GRIA4: variants seen among roughly 807,000 people sequenced by gnomAD.
GRIA4 encodes the protein glutamate receptor 4.
In GRIA4, 34 loss-of-function variants were observed where a neutral mutation model predicts 104.0. The ratio of observed to expected loss-of-function variants is 0.33; its 90% CI spans 0.25 to 0.44. The LOEUF (loss-of-function observed/expected upper bound fraction) is 0.44. GRIA4 is among the 20% of genes least tolerant of loss of function. The pLI is 1.00. For synonymous variants in GRIA4, 386 were observed against 381.9 expected (o/e 1.01, Z -0.13); for missense variants, 750 against 1,096.5 (o/e 0.68, Z 4.46).
chr11:105,700,814 G>C (rs1164372419), intron 3 of GRIA4, among the ~76,000 whole-genome samples: 1 of 151,962 alleles, frequency 6.6e-6, no homozygotes, highest in Non-Finnish European at 1.5e-5. Context: ...TGCTTTTCCT[G>C]CCTCTGGCTT....
intron 3 of GRIA4, among the ~76,000 whole-genome samples, chr11:105,710,550 C>A (rs1467918393): frequency 6.6e-6 from 1 of 152,032 alleles, no homozygotes; most frequent in Non-Finnish European, 1.5e-5. Flanking sequence ...GTTAGGCATA[C>A]ATTTAGATAT....
chr11:105,978,839 T>C (rs1435445459), intron 16 of GRIA4, among the ~76,000 whole-genome samples: 1 of 152,226 alleles, frequency 6.6e-6, no homozygotes, highest in East Asian at 1.9e-4. Context: ...TTATCTGCTA[T>C]GTAATGTGAT....
intron 3 of GRIA4, among the ~76,000 whole-genome samples, chr11:105,630,424 C>G (rs1213531532): frequency 6.6e-6 from 1 of 151,978 alleles, no homozygotes; most frequent in Non-Finnish European, 1.5e-5. Flanking sequence ...ATTAGCCAGG[C>G]GTGGTGGCAT....
chr11:105,951,034 A>C (rs1948443439), intron 14 of GRIA4, among the ~76,000 whole-genome samples: 1 of 152,218 alleles, frequency 6.6e-6, no homozygotes, highest in African/African-American at 2.4e-5. Context: ...CCTAGGGCCT[A>C]ATAAGAAGGA....
chr11:105,656,889 A>C (rs1316164740), intron 3 of GRIA4, among the ~76,000 whole-genome samples: 1 of 152,104 alleles, frequency 6.6e-6, no homozygotes, highest in East Asian at 1.9e-4. Flanking sequence ...AAGACTGTCT[A>C]TCAGAAAATA....
intron 3 of GRIA4, among the ~76,000 whole-genome samples, chr11:105,621,781 T>C (rs919053762): frequency 1.2e-4 from 18 of 151,854 alleles, no homozygotes; most frequent in African/African-American, 3.9e-4. Flanking sequence ...AATATTATCA[T>C]ATATTTTCAA....
In GRIA4 at chr11:105,841,808, G is replaced by A. The variant is rs543486032; in HGVS notation, c.488-20216G>A. Among the ~76,000 whole-genome samples, 7 of 152,168 alleles carry A rather than the reference G, an allele frequency of 4.6e-5. No individual in the cohort carries two copies. In the South Asian group the frequency reaches 1.5e-3, roughly 32 times the overall value. Reference sequence around the variant, plus strand: ...CTCCAGTTCGGATATGCAGTCTTCCGATTTAAACAGGTTGTCTTATTCTCC... The same window carrying A: ...CTCCAGTTCGGATATGCAGTCTTCCAATTTAAACAGGTTGTCTTATTCTCC... On this transcript the variant is annotated intron_variant, in intron 4 of 16. Transcript: ENST00000282499.
At chr11:105,860,989 A>G (rs935335358) in intron 4 of GRIA4, among the ~76,000 whole-genome samples, 1 of 151,782 alleles carries the variant, frequency 6.6e-6, no homozygotes. Flanking sequence ...AGAGATGGAA[A>G]AAAGGCAGGA....
intron 8 of GRIA4, among the ~76,000 whole-genome samples, chr11:105,904,543 T>C (rs1946976273): frequency 2.0e-5 from 3 of 152,284 alleles, no homozygotes; most frequent in South Asian, 4.1e-4. Flanking sequence ...AATGACTACC[T>C]CTGGAGATCT....
intron 4 of GRIA4, among the ~76,000 whole-genome samples, chr11:105,809,595 G>A (rs1481275585): frequency 6.6e-6 from 1 of 152,086 alleles, no homozygotes; most frequent in African/African-American, 2.4e-5. Context: ...TAGTGAGTGA[G>A]TTCTCACAAT....
chr11:105,727,270 G>A (rs771422118), intron 3 of GRIA4, among the ~76,000 whole-genome samples: 5 of 151,712 alleles, frequency 3.3e-5, no homozygotes, highest in East Asian at 2.0e-4. Context: ...TCCATCAAGC[G>A]GAAGAAAGGA....
intron 3 of GRIA4, among the ~76,000 whole-genome samples, chr11:105,662,458 C>G (rs1952041736): frequency 1.3e-5 from 2 of 151,704 alleles, no homozygotes; most frequent in African/African-American, 2.4e-5. Context: ...CACTGTTAGT[C>G]TTTGGTGGGG....
chr11:105,945,476 G>T, intron 14 of GRIA4: 1 of 957,262 alleles, frequency 1.0e-6, no homozygotes, highest in Non-Finnish European at 1.2e-6. Flanking sequence ...GAGGACAGAG[G>T]AGAACTAACC....
intron 3 of GRIA4, among the ~76,000 whole-genome samples, chr11:105,630,627 A>C (rs1345713176): frequency 1.3e-5 from 2 of 152,144 alleles, no homozygotes; most frequent in Non-Finnish European, 2.9e-5. Flanking sequence ...GGATTTAAGG[A>C]TTTATGGTTA....
At chr11:105,778,482 G>A (rs1941556135) in intron 4 of GRIA4, among the ~76,000 whole-genome samples, 1 of 152,204 alleles carries the variant, frequency 6.6e-6, no homozygotes, top group Admixed American at 6.5e-5. Flanking sequence ...CGAGGTGGGA[G>A]GATCACGAGG....
At position 105,860,300 on chromosome 11, in the gene GRIA4, G is replaced by A. The variant is rs974721091; in HGVS notation, c.488-1724G>A. ...GTAATGTTTGGAACTCTGACATGTA[G>A]AAAACATACCTGAAAAAATTCAAAA... On this transcript the variant is annotated intron_variant, in intron 4 of 16. Transcript: ENST00000282499. Among the ~76,000 whole-genome samples, 6 of 152,156 alleles carry A rather than the reference G, an allele frequency of 3.9e-5. No homozygotes were observed. In the East Asian group the frequency reaches 1.2e-3, roughly 29 times the overall value.
rs150928023 is a variant in GRIA4, at chr11:105,969,123, G to A, written c.2295-2791G>A. 3.9e-5 allele frequency among the ~76,000 whole-genome samples: 6 copies of A among 152,210 alleles called. No homozygotes were observed. The East Asian group carries it at 9.6e-4, about 24-fold the overall frequency. On this transcript the variant is annotated intron_variant, in intron 14 of 16. Transcript: ENST00000282499. ...CTTTCTCTAGGTATTATATTTGGTC[G>A]TGCACTTCCTGATAATTTGGCCCTT...
intron 13 of GRIA4, among the ~76,000 whole-genome samples, chr11:105,933,314 G>T (rs999159922): frequency 1.3e-5 from 2 of 151,888 alleles, no homozygotes; most frequent in African/African-American, 2.4e-5. Context: ...GTATTAAAAG[G>T]AATTTTACAA....
Position 105,785,611 on chromosome 11 carries a change from C to T in GRIA4, c.487+32391C>T, listed in dbSNP as rs562217147. ...CAAACCATGGTCCTTCCCATGGGAACTGACATTATAAATCAAGTGATGTTT... is the reference window on the plus strand; with the variant it reads ...CAAACCATGGTCCTTCCCATGGGAATTGACATTATAAATCAAGTGATGTTT... On this transcript the variant is annotated intron_variant, in intron 4 of 16. Transcript: ENST00000282499. Among the ~76,000 whole-genome samples the T allele has an allele frequency of 5.9e-5, 9 of 152,224 alleles. 1 individual carries two copies. In the East Asian group the frequency reaches 1.5e-3, roughly 26 times the overall value.
Sources: allele counts gnomAD v4.1 joint callset (sites outside exome capture counted in the v4.1 genomes callset), GRCh38; gene constraint gnomAD v4.1.1; transcripts MANE v1.5; gene names NCBI Gene and HGNC (gene_info 2026-07-23, HGNC 2026-07-21).